ARHGDIB: variants seen among roughly 807,000 people sequenced by gnomAD.
The protein encoded by ARHGDIB is Rho GDP dissociation inhibitor beta.
A neutral mutation model predicts 22.6 loss-of-function variants in ARHGDIB; 20 were observed. The observed-to-expected ratio is 0.88, with a 90% CI of 0.62 to 1.28. The LOEUF is 1.28. Among genes scored for constraint, ARHGDIB ranks in the 50% most tolerant of loss-of-function variants. The pLI is 0.00. For missense variants in ARHGDIB, 254 were observed against 245.4 expected, an observed-to-expected ratio of 1.04 and a Z score of -0.23; for synonymous variants, 114 against 96.1, an observed-to-expected ratio of 1.19 and a Z score of -1.09.
chr12:14,961,131 A>AC (rs1864402997), intron 1 of ARHGDIB: 1 of 152,272 alleles, frequency 6.6e-6, no homozygotes, highest in Non-Finnish European at 1.5e-5. Context: ...CCCCAGCACA[A>AC]CCCACCATCC....
intron 5 of ARHGDIB, 119 bp downstream of exon 5, chr12:14,944,657 G>C (rs1323877976): frequency 2.2e-6 from 2 of 926,890 alleles, no homozygotes; most frequent in African/African-American, 3.4e-5. Context: ...CCTAGAGCCG[G>C]CATCCACAGC....
intron 1 of ARHGDIB, among the ~76,000 whole-genome samples, chr12:14,952,879 A>T (rs1381849157): frequency 6.6e-6 from 1 of 152,220 alleles, no homozygotes; most frequent in African/African-American, 2.4e-5. Context: ...AGATGGTAAC[A>T]TTACATCCAG....
intron 1 of ARHGDIB, among the ~76,000 whole-genome samples, chr12:14,958,628 T>G (rs1251642126): frequency 6.6e-6 from 1 of 152,208 alleles, no homozygotes; most frequent in African/African-American, 2.4e-5. Flanking sequence ...AAGAAAACTG[T>G]GCATTAAGGA....
chr12:14,954,253 A>C (rs1864249812), intron 1 of ARHGDIB, among the ~76,000 whole-genome samples: 1 of 152,214 alleles, frequency 6.6e-6, no homozygotes, highest in African/African-American at 2.4e-5. Context: ...TGCTGGGATT[A>C]CAGGTGCCTG....
chr12:14,947,462 A>G lies in ARHGDIB; in HGVS notation c.342+411T>C, dbSNP rs117033659. Among the ~76,000 whole-genome samples, 217 of 152,326 alleles carry G rather than the reference A, an allele frequency of 1.4e-3. 3 individuals carry two copies. The East Asian group carries it at 0.033, about 23-fold the overall frequency. ...CACTTGTTTGTCCACTTTTCAATATATATTCATGAACTATATGCTATTTAC... is the reference window on the plus strand; with the variant it reads ...CACTTGTTTGTCCACTTTTCAATATGTATTCATGAACTATATGCTATTTAC... On this transcript the variant is annotated intron_variant, in intron 4 of 5. Transcript: ENST00000228945.
chr12:14,943,735 T>C lies in ARHGDIB; in HGVS notation c.407-1014A>G, dbSNP rs565984647. Among the ~76,000 whole-genome samples the C allele has an allele frequency of 2.7e-3, 404 of 152,048 alleles. 2 individuals are homozygous for C. Among genetic ancestry groups the C allele is most frequent in the African/African-American group, 9.1e-3 (378 of 41,486 alleles). On this transcript the variant is annotated intron_variant, in intron 5 of 5. Coordinates refer to ENST00000228945, the MANE Select transcript of ARHGDIB (RefSeq NM_001175.7). ...GCCAATCAAGTTTATTTATAGGTGG[T>C]TAACTGGAATATATATTAAGAATAG...
chr12:14,953,233 C>G (rs932026085), intron 1 of ARHGDIB, among the ~76,000 whole-genome samples: 6 of 151,976 alleles, frequency 3.9e-5, no homozygotes, highest in African/African-American at 1.5e-4. Flanking sequence ...TTGTTGCAGT[C>G]AAAAGGGGGA....
At chr12:14,955,495 T>G (rs1190584105) in intron 1 of ARHGDIB, among the ~76,000 whole-genome samples, 1 of 151,552 alleles carries the variant, frequency 6.6e-6, no homozygotes, top group Non-Finnish European at 1.5e-5. Flanking sequence ...CTGGGATACA[T>G]AGATAGTGAA....
chr12:14,947,673 C>A (rs932140372), intron 4 of ARHGDIB, 200 bp downstream of exon 4: 5 of 555,360 alleles, frequency 9.0e-6, no homozygotes, highest in South Asian at 6.8e-5. Context: ...TTAAGAAGTC[C>A]TGGCTAGGAA....
Position 14,942,391 on chromosome 12 carries a change from A to G in ARHGDIB, c.*131T>C. On this transcript the variant is annotated 3_prime_UTR_variant, in exon 6 of 6. Coordinates refer to ENST00000228945, the MANE Select transcript of ARHGDIB (RefSeq NM_001175.7). ...CCACGTTGAGTGACAGGGTGGGAAA[A>G]GATGCATCAATAAGGAAATGTGGCA... The G allele has an allele frequency of 3.0e-6, 3 of 997,230 alleles. No homozygotes were observed. Among genetic ancestry groups the G allele is most frequent in the Non-Finnish European group, 4.5e-6 (3 of 660,362 alleles). 61.8% of individuals were successfully genotyped at this position (997,230 alleles called of 1,614,324 possible). A position where few individuals can be genotyped will look rare whatever the true frequency, so the allele number is the denominator to read the frequency against.
intron 3 of ARHGDIB, among the ~76,000 whole-genome samples, chr12:14,949,521 T>A (rs1317802084): frequency 6.6e-6 from 1 of 152,226 alleles, no homozygotes; most frequent in African/African-American, 2.4e-5. Flanking sequence ...CAGTCTTTAT[T>A]GCATAAATAA....
At chr12:14,942,840 G>A in intron 5 of ARHGDIB, 119 bp from the exon 6 acceptor site, 1 of 861,562 alleles carries the variant, frequency 1.2e-6, no homozygotes, top group Non-Finnish European at 1.8e-6. Flanking sequence ...TGGTTTCCAA[G>A]CCTAAATAAA....
At chr12:14,950,289 G>T (rs910016004) in intron 2 of ARHGDIB, among the ~76,000 whole-genome samples, 1 of 152,110 alleles carries the variant, frequency 6.6e-6, no homozygotes, top group African/African-American at 2.4e-5. Context: ...TGGTAGCCTG[G>T]AATTCTTTCT....
chr12:14,955,612 TACAATA>T (rs1864284170), intron 1 of ARHGDIB, among the ~76,000 whole-genome samples: 1 of 152,168 alleles, frequency 6.6e-6, no homozygotes, highest in Non-Finnish European at 1.5e-5. Context: ...TCAAGTACAA[TACAATA>T]TTATTAAGCA....
chr12:14,944,698 T>C (rs886684133), intron 5 of ARHGDIB, 78 bp downstream of exon 5: 19 of 1,407,976 alleles, frequency 1.3e-5, no homozygotes, highest in Non-Finnish European at 1.8e-5. Context: ...AGTCTATAGC[T>C]AAAAGTTGCT....
intron 3 of ARHGDIB, among the ~76,000 whole-genome samples, chr12:14,948,209 T>C (rs906390140): frequency 6.6e-6 from 1 of 151,730 alleles, no homozygotes; most frequent in Non-Finnish European, 1.5e-5. Context: ...TTGATGACAA[T>C]GCTAAAAATA....
In ARHGDIB at chr12:14,950,718, TC is replaced by T; in HGVS notation, c.-7del. 6.2e-7 allele frequency: 1 copy of T among 1,602,144 alleles called. No individual in the cohort carries two copies. The highest frequency in any genetic ancestry group is 8.5e-7 in the Non-Finnish European group (1 of 1,175,710). Reference sequence around the variant, plus strand: ...TCTGGGGCTTTTTCAGTCATTCTGATCTATTTCTGGGAGACAGAATGACAGC... The same window carrying T: ...TCTGGGGCTTTTTCAGTCATTCTGATTATTTCTGGGAGACAGAATGACAGC... On this transcript the variant is annotated 5_prime_UTR_variant, in exon 2 of 6. Coordinates refer to ENST00000228945, the MANE Select transcript of ARHGDIB (RefSeq NM_001175.7).
At chr12:14,960,585 C>A (rs1864390069) in intron 1 of ARHGDIB, among the ~76,000 whole-genome samples, 1 of 152,172 alleles carries the variant, frequency 6.6e-6, no homozygotes, top group Non-Finnish European at 1.5e-5. Flanking sequence ...CTCACTGCAA[C>A]CCCTGCCTCC....
rs1355318668 is a variant in ARHGDIB, at chr12:14,950,699, G to A, written c.14C>T (p.Ala5Val). 6.2e-7 allele frequency: 1 copy of A among 1,607,558 alleles called. No individual in the cohort carries two copies. The highest frequency in any genetic ancestry group is 1.3e-5 in the African/African-American group (1 of 74,248). The change falls in exon 2 of 6, where the codon GCC (alanine) becomes GTC (valine). Residue 5 changes from alanine (A) to valine (V), a missense_variant. Transcript: ENST00000228945. MTEK[A>V]PEPHVEEDDD... is the part of the protein sequence containing the mutation. ...ATCCTCCTCCACATGTGGCTCTGGG[G>A]CTTTTTCAGTCATTCTGATCTATTT...
Sources: gnomAD v4.1 joint callset for allele counts (sites outside exome capture counted in the v4.1 genomes callset) on GRCh38, gnomAD v4.1.1 for gene constraint, MANE v1.5 for transcripts, NCBI Gene and HGNC (gene_info 2026-07-23, HGNC 2026-07-21) for gene names.